The following SRP54 variants were observed in gnomAD, a reference collection of about 807,000 sequenced individuals.
SRP54 encodes the protein signal recognition particle subunit SRP54.
Under a neutral mutation model 64.8 loss-of-function variants are expected in SRP54, and 10 were observed. The ratio of observed to expected loss-of-function variants is 0.15; its 90% CI spans 0.10 to 0.26. The LOEUF (loss-of-function observed/expected upper bound fraction) is 0.26. Among genes scored for constraint, SRP54 ranks in the 10% least tolerant of loss-of-function variants. The probability of loss-of-function intolerance (pLI) is 1.00; values close to 1 mark genes in which losing one functional copy is unlikely to be tolerated. For missense variants in SRP54, 325 were observed against 613.7 expected (o/e 0.53, Z 4.97); for synonymous variants, 193 against 185.6 (o/e 1.04, Z -0.32).
chr14:35,010,309 G>A (rs1033592943), intron 7 of SRP54, among the ~76,000 whole-genome samples: 1 of 152,110 alleles, frequency 6.6e-6, no homozygotes. Context: ...AACTGGACGT[G>A]GTGGCGTGTG....
In SRP54 at chr14:35,013,411, G is replaced by A; in HGVS notation, c.702G>A (p.Lys234=). ...GGCAGGCTTGTGAAGCCCAGGCTAA[G>A]GCTTTTAAAGATAAAGTAGATGTAG... ...SIGQACEAQA[K]AFKDKVDVAS... The change falls in exon 9 of 16, where the codon AAG becomes AAA. Residue 234 remains lysine (K), a synonymous_variant. Coordinates refer to ENST00000216774, the MANE Select transcript of SRP54 (RefSeq NM_003136.4). The A allele has an allele frequency of 6.2e-7, 1 of 1,614,186 alleles. No homozygotes were observed. The highest frequency in any genetic ancestry group is 8.5e-7 in the Non-Finnish European group (1 of 1,180,018).
At chr14:35,019,121 A>G (rs1179011094) in intron 13 of SRP54, 47 bp downstream of exon 13, 1 of 1,302,230 alleles carries the variant, frequency 7.7e-7, no homozygotes, top group Non-Finnish European at 1.1e-6. Context: ...TCTGAGTATC[A>G]GTAAGATGAG....
intron 7 of SRP54, among the ~76,000 whole-genome samples, 155 bp from the exon 8 acceptor site, chr14:35,011,354 A>G (rs1049886988): frequency 8.5e-5 from 13 of 152,178 alleles, no homozygotes; most frequent in African/African-American, 2.9e-4. Context: ...TTAGAAGTAG[A>G]TTCTGTATTT....
chr14:34,985,412 T>C (rs2043879395), intron 1 of SRP54, among the ~76,000 whole-genome samples: 1 of 152,206 alleles, frequency 6.6e-6, no homozygotes, highest in Non-Finnish European at 1.5e-5. Flanking sequence ...ACTAGAGATA[T>C]TGGAATCATT....
At chr14:34,991,124 TTTTTTGTTG>T (rs966438758) in intron 1 of SRP54, among the ~76,000 whole-genome samples, 1 of 102,328 alleles carries the variant, frequency 9.8e-6, no homozygotes, top group Non-Finnish European at 2.2e-5. Context: ...TTTTTTTTTT[TTTTTTGTTG>T]TTGTTGTTGT....
intron 2 of SRP54, among the ~76,000 whole-genome samples, chr14:34,997,559 G>A (rs966537640): frequency 6.6e-6 from 1 of 152,106 alleles, no homozygotes; most frequent in African/African-American, 2.4e-5. Flanking sequence ...AGGAAAAATA[G>A]CATTTACCAT....
chr14:35,027,816 A>G, intron 14 of SRP54: 1 of 211,702 alleles, frequency 4.7e-6, no homozygotes, highest in Non-Finnish European at 9.3e-6. Context: ...ATTCACAGAT[A>G]TAAATAAAGT....
rs551281663 is a variant in SRP54, at chr14:35,003,453, C to T, written c.255+2433C>T. 8.5e-5 allele frequency among the ~76,000 whole-genome samples: 13 copies of T among 152,156 alleles called. No individual in the cohort carries two copies. The South Asian group carries it at 1.5e-3, about 17-fold the overall frequency. On this transcript the variant is annotated intron_variant, in intron 4 of 15. Transcript: ENST00000216774. ...GCAGTGGCGTGATCAGAGCTCACTG[C>T]GGCCTCAAATTCCTGGGCTCGAGCG...
intron 14 of SRP54, among the ~76,000 whole-genome samples, chr14:35,023,699 A>G (rs988834056): frequency 6.6e-6 from 1 of 151,392 alleles, no homozygotes; most frequent in Non-Finnish European, 1.5e-5. Context: ...CAGGAGAATC[A>G]CTTGAACCCA....
chr14:35,016,840 C>T (rs796175183), intron 11 of SRP54, among the ~76,000 whole-genome samples: 10 of 71,604 alleles, frequency 1.4e-4, no homozygotes, highest in Admixed American at 5.8e-4. Context: ...CCTTTTTTTT[C>T]TTTTCTTTTT....
chr14:34,985,489 C>T (rs1475673126), intron 1 of SRP54, among the ~76,000 whole-genome samples: 2 of 152,128 alleles, frequency 1.3e-5, no homozygotes, highest in African/African-American at 4.8e-5. Flanking sequence ...TGAATTAGCC[C>T]TTAACCCTAG....
intron 7 of SRP54, among the ~76,000 whole-genome samples, chr14:35,010,793 T>TA (rs915092847): frequency 9.3e-5 from 14 of 149,770 alleles, no homozygotes; most frequent in South Asian, 2.1e-4. Flanking sequence ...ACATAAAAAT[T>TA]AAAAAAAAAA....
At chr14:35,026,055 CAAA>C (rs564680386) in intron 14 of SRP54, among the ~76,000 whole-genome samples, 11 of 99,612 alleles carry the variant, frequency 1.1e-4, no homozygotes, top group Admixed American at 1.2e-4. Flanking sequence ...GAGCCTGTCT[CAAA>C]AAAAAAAAAA....
chr14:35,014,869 T>G, intron 11 of SRP54, 39 bp downstream of exon 11: 2 of 1,477,234 alleles, frequency 1.4e-6, no homozygotes, highest in Non-Finnish European at 1.9e-6. Context: ...CTCAGATTTC[T>G]TCCATTGATT....
chr14:35,018,495 A>C, intron 11 of SRP54, 197 bp from the exon 12 acceptor site: 1 of 524,842 alleles, frequency 1.9e-6, no homozygotes, highest in South Asian at 2.6e-5. Flanking sequence ...TCTCTATGAT[A>C]GGACCTGTCT....
At chr14:35,008,267 T>A (rs1166404958) in intron 5 of SRP54, among the ~76,000 whole-genome samples, 1 of 152,210 alleles carries the variant, frequency 6.6e-6, no homozygotes, top group Non-Finnish European at 1.5e-5. Context: ...CTCAACAATA[T>A]TACAAGATTT....
At chr14:35,006,621 T>A (rs1308853704) in intron 4 of SRP54, among the ~76,000 whole-genome samples, 1 of 152,226 alleles carries the variant, frequency 6.6e-6, no homozygotes, top group African/African-American at 2.4e-5. Flanking sequence ...CTGGAAATTT[T>A]AAAATTCATG....
chr14:35,010,165 A>T (rs2044332864), intron 7 of SRP54, among the ~76,000 whole-genome samples: 1 of 151,550 alleles, frequency 6.6e-6, no homozygotes, highest in African/African-American at 2.4e-5. Flanking sequence ...AAATTTTTTT[A>T]GGCCGGGCAC....
intron 13 of SRP54, among the ~76,000 whole-genome samples, chr14:35,019,910 T>C (rs2044497927): frequency 6.6e-6 from 1 of 152,210 alleles, no homozygotes; most frequent in Non-Finnish European, 1.5e-5. Flanking sequence ...CCGGGCGCAG[T>C]GGCTCACGAC....
Sources: gnomAD v4.1 joint callset for allele counts (sites outside exome capture counted in the v4.1 genomes callset) on GRCh38, gnomAD v4.1.1 for gene constraint, MANE v1.5 for transcripts, NCBI Gene and HGNC (gene_info 2026-07-23, HGNC 2026-07-21) for gene names.